Variants in MAPKAPK5 observed in about 807,000 individuals in gnomAD.
MAPKAPK5 encodes the protein MAPK activated protein kinase 5, also known as MAP kinase-activated protein kinase 5.
MAPKAPK5 carries 30 observed loss-of-function variants against 65.1 expected under a neutral mutation model. The observed-to-expected ratio is 0.46, with a 90% CI of 0.34 to 0.63. The LOEUF (loss-of-function observed/expected upper bound fraction) is 0.63, where lower values mean the gene tolerates loss of function less well. Among genes scored for constraint, MAPKAPK5 ranks in the 20% least tolerant of loss-of-function variants. MAPKAPK5 has a pLI of 0.01. For missense variants in MAPKAPK5, 433 were observed against 581.4 expected (o/e 0.74, Z 2.63); for synonymous variants, 179 against 204.6 (o/e 0.87, Z 1.07).
At chr12:111,847,753 T>C (rs1287508561) in intron 1 of MAPKAPK5, among the ~76,000 whole-genome samples, 5 of 152,218 alleles carry the variant, frequency 3.3e-5, no homozygotes, top group Non-Finnish European at 4.4e-5. Flanking sequence ...CCATCCCTGC[T>C]AGAAAGTTCC....
Position 111,899,763 on chromosome 12 carries a change from A to AG in MAPKAPK5, c.*6706dup, listed in dbSNP as rs2070958297. Reference sequence around the variant, plus strand: ...TTCTGTCAACATCTGTGCAGGTCTCAGGGGCACATCCTCCTGATTAAGGAG... The same window carrying AG: ...TTCTGTCAACATCTGTGCAGGTCTCAGGGGGCACATCCTCCTGATTAAGGAG... On this transcript the variant is annotated 3_prime_UTR_variant, in exon 14 of 14. Coordinates refer to ENST00000550735, the MANE Select transcript of MAPKAPK5 (RefSeq NM_003668.4). 2.7e-6 allele frequency: 1 copy of AG among 369,368 alleles called. No homozygotes were observed. The highest frequency in any genetic ancestry group is 5.5e-6 in the Non-Finnish European group (1 of 182,404). 22.9% of individuals were successfully genotyped at this position (369,368 alleles called of 1,614,324 possible). A position where few individuals can be genotyped will look rare whatever the true frequency, so the allele number is the denominator to read the frequency against.
chr12:111,851,877 A>T (rs2069095378), intron 1 of MAPKAPK5, among the ~76,000 whole-genome samples: 1 of 152,188 alleles, frequency 6.6e-6, no homozygotes, highest in Non-Finnish European at 1.5e-5. Flanking sequence ...GAGATTGTGG[A>T]TATGGCAAAA....
At chr12:111,889,337 T>C (rs1593185451) in intron 12 of MAPKAPK5, 1 of 253,900 alleles carries the variant, frequency 3.9e-6, no homozygotes, top group Middle Eastern at 1.4e-3. Flanking sequence ...GAATGGAAAA[T>C]GTGGGTAGGG....
chr12:111,847,437 A>G (rs2068941736), intron 1 of MAPKAPK5, among the ~76,000 whole-genome samples: 2 of 151,912 alleles, frequency 1.3e-5, no homozygotes, highest in South Asian at 4.1e-4. Flanking sequence ...CTGTATCTCT[A>G]GTCCCATAGC....
At chr12:111,842,927 C>T (rs1054840383) in intron 1 of MAPKAPK5, 158 bp downstream of exon 1, 10 of 613,018 alleles carry the variant, frequency 1.6e-5, no homozygotes, top group Non-Finnish European at 2.2e-5. Context: ...AGCCCTGGGG[C>T]CAAGGGTTAT....
intron 1 of MAPKAPK5, among the ~76,000 whole-genome samples, chr12:111,849,608 T>C (rs1392255857): frequency 2.0e-5 from 3 of 152,236 alleles, no homozygotes; most frequent in Non-Finnish European, 4.4e-5. Context: ...AGCTATGTGA[T>C]TGGCAAATAT....
chr12:111,891,294 G>T lies in MAPKAPK5; in HGVS notation c.1321+1150G>T, dbSNP rs1453970319. ...TTTTTTTTTTTTTAGTGGAGACGGG[G>T]TTTCACCATGTTGGCCAGGCTCGTC... On this transcript the variant is annotated intron_variant, in intron 13 of 13. Coordinates refer to ENST00000550735, the MANE Select transcript of MAPKAPK5 (RefSeq NM_003668.4). Among the ~76,000 whole-genome samples the T allele has an allele frequency of 2.0e-5, 3 of 149,810 alleles. No homozygotes were observed. The East Asian group carries it at 6.1e-4, about 31-fold the overall frequency.
At chr12:111,857,728 T>C (rs1428469415) in intron 1 of MAPKAPK5, among the ~76,000 whole-genome samples, 1 of 152,234 alleles carries the variant, frequency 6.6e-6, no homozygotes, top group Non-Finnish European at 1.5e-5. Context: ...AATTTATGCT[T>C]GACAGTTGTT....
intron 13 of MAPKAPK5, 148 bp downstream of exon 13, chr12:111,890,292 G>C: frequency 3.2e-6 from 2 of 629,254 alleles, no homozygotes; most frequent in Non-Finnish European, 5.7e-6. Flanking sequence ...TGGAATGGGG[G>C]TTAGCTCTAC....
intron 5 of MAPKAPK5, among the ~76,000 whole-genome samples, chr12:111,869,730 A>C (rs2069722692): frequency 6.6e-6 from 1 of 152,202 alleles, no homozygotes; most frequent in Non-Finnish European, 1.5e-5. Flanking sequence ...ATGAGCTCTG[A>C]TAATCTTCTA....
chr12:111,850,938 G>C (rs1396642162), intron 1 of MAPKAPK5, among the ~76,000 whole-genome samples: 2 of 150,254 alleles, frequency 1.3e-5, no homozygotes, highest in Non-Finnish European at 3.0e-5. Flanking sequence ...TCGCTCTGTG[G>C]CCCAGGCTGG....
chr12:111,882,963 C>T, intron 8 of MAPKAPK5: 4 of 429,480 alleles, frequency 9.3e-6, no homozygotes, highest in Non-Finnish European at 1.2e-5. Flanking sequence ...TACCTGTACA[C>T]AGGGATCAGA....
chr12:111,863,007 G>T (rs1280724572), intron 1 of MAPKAPK5, among the ~76,000 whole-genome samples: 1 of 152,186 alleles, frequency 6.6e-6, no homozygotes, highest in Non-Finnish European at 1.5e-5. Flanking sequence ...TTTGAGTTCT[G>T]TTGAGGAGGT....
At chr12:111,864,270 G>A (rs1385158205) in intron 1 of MAPKAPK5, among the ~76,000 whole-genome samples, 3 of 151,992 alleles carry the variant, frequency 2.0e-5, no homozygotes, top group Non-Finnish European at 2.9e-5. Flanking sequence ...CGGTCTTCTC[G>A]GCTCACTGCA....
At chr12:111,888,721 C>T (rs988307476) in intron 11 of MAPKAPK5, 103 bp downstream of exon 11, 36 of 1,544,758 alleles carry the variant, frequency 2.3e-5, no homozygotes, top group Non-Finnish European at 3.0e-5. Context: ...GGTCTTTAGC[C>T]TCTGAAGAGG....
At chr12:111,891,075 T>C (rs899528413) in intron 13 of MAPKAPK5, among the ~76,000 whole-genome samples, 1 of 151,988 alleles carries the variant, frequency 6.6e-6, no homozygotes, top group Non-Finnish European at 1.5e-5. Flanking sequence ...TTCCGCGTTT[T>C]TTTGTTGTTG....
chr12:111,890,168 T>G, intron 13 of MAPKAPK5, 24 bp downstream of exon 13: 1 of 1,458,788 alleles, frequency 6.9e-7, no homozygotes. Flanking sequence ...TCAACTCCCT[T>G]CCCCAGGAAT....
intron 1 of MAPKAPK5, among the ~76,000 whole-genome samples, chr12:111,861,126 C>T (rs753279596): frequency 6.6e-5 from 10 of 151,378 alleles, no homozygotes; most frequent in Non-Finnish European, 1.0e-4. Flanking sequence ...CACTGCACAC[C>T]AGCCTGGGCA....
At chr12:111,877,216 G>A (rs182674138) in intron 7 of MAPKAPK5, among the ~76,000 whole-genome samples, 5 of 102,644 alleles carry the variant, frequency 4.9e-5, no homozygotes, top group East Asian at 3.2e-4. Flanking sequence ...ACAGGGTTTC[G>A]CCATGTTGTT....
Sources: gnomAD v4.1 joint callset for allele counts (sites outside exome capture counted in the v4.1 genomes callset) on GRCh38, gnomAD v4.1.1 for gene constraint, MANE v1.5 for transcripts, NCBI Gene and HGNC (gene_info 2026-07-23, HGNC 2026-07-21) for gene names.